Variants in TRIO observed in about 807,000 individuals in gnomAD.
The protein encoded by TRIO is trio Rho guanine nucleotide exchange factor.
Under a neutral mutation model 351.9 loss-of-function variants are expected in TRIO, and 58 were observed. The observed-to-expected ratio is 0.16, with a 90% CI of 0.13 to 0.21. TRIO has a LOEUF of 0.21. TRIO is among the 10% of genes least tolerant of loss of function. The pLI is 1.00. For synonymous variants in TRIO, 1,758 were observed against 1,595.7 expected (o/e 1.10, Z -2.42); for missense variants, 3,201 against 4,027.8 (o/e 0.79, Z 5.56).
At chr5:14,237,428 G>A (rs1271155938) in intron 1 of TRIO, among the ~76,000 whole-genome samples, 2 of 152,222 alleles carry the variant, frequency 1.3e-5, no homozygotes, top group Non-Finnish European at 2.9e-5. Flanking sequence ...TGTTGTGAGT[G>A]TCGTGTGATG....
chr5:14,182,612 G>A (rs1789856101), intron 1 of TRIO, among the ~76,000 whole-genome samples: 1 of 152,180 alleles, frequency 6.6e-6, no homozygotes, highest in Admixed American at 6.5e-5. Flanking sequence ...ACATGTAGGA[G>A]CTTGGTCTGT....
intron 36 of TRIO, 107 bp downstream of exon 36, chr5:14,463,032 A>G (rs1753951187): frequency 1.4e-6 from 2 of 1,381,620 alleles, no homozygotes; most frequent in Non-Finnish European, 1.9e-6. Context: ...AGGCCCCAAG[A>G]TGTGGAAAAG....
chr5:14,433,766 A>G (rs1365906984), intron 34 of TRIO, among the ~76,000 whole-genome samples: 1 of 152,228 alleles, frequency 6.6e-6, no homozygotes, highest in African/African-American at 2.4e-5. Context: ...CCTAATCATT[A>G]TATCATTCAA....
chr5:14,390,141 G>A, intron 25 of TRIO, 90 bp from the exon 26 acceptor site: 3 of 1,176,250 alleles, frequency 2.6e-6, no homozygotes, highest in Admixed American at 4.2e-5. Context: ...CATTCTTTAG[G>A]GGGCACAGAT....
At chr5:14,167,725 A>G (rs898745022) in intron 1 of TRIO, among the ~76,000 whole-genome samples, 1 of 152,122 alleles carries the variant, frequency 6.6e-6, no homozygotes, top group African/African-American at 2.4e-5. Context: ...AGGCTGGGCA[A>G]GGGCCTCTAA....
chr5:14,217,880 T>G (rs913353477), intron 1 of TRIO, among the ~76,000 whole-genome samples: 8 of 152,164 alleles, frequency 5.3e-5, no homozygotes, highest in African/African-American at 1.9e-4. Flanking sequence ...TCTCTGTCTT[T>G]TACACCGTAT....
At chr5:14,489,021 T>A in intron 48 of TRIO, 1 of 765,302 alleles carries the variant, frequency 1.3e-6, no homozygotes, top group Non-Finnish European at 2.4e-6. Context: ...ACCCACCTGT[T>A]TCCTACAGGG....
chr5:14,264,667 C>G (rs1795555894), intron 1 of TRIO, among the ~76,000 whole-genome samples: 1 of 152,124 alleles, frequency 6.6e-6, no homozygotes, highest in African/African-American at 2.4e-5. Context: ...TGCCTCCTTC[C>G]TATGCATCAC....
At chr5:14,169,303 C>G (rs1183095365) in intron 1 of TRIO, among the ~76,000 whole-genome samples, 1 of 151,132 alleles carries the variant, frequency 6.6e-6, no homozygotes, top group Non-Finnish European at 1.5e-5. Flanking sequence ...TACCAAGAGT[C>G]GTATTTTTAA....
chr5:14,289,651 C>T (rs1736741875), intron 4 of TRIO, among the ~76,000 whole-genome samples: 1 of 151,846 alleles, frequency 6.6e-6, no homozygotes, highest in South Asian at 2.1e-4. Flanking sequence ...AATTTGAAAC[C>T]AGCGTGACCA....
chr5:14,504,895 C>G (rs1041024949), intron 55 of TRIO, among the ~76,000 whole-genome samples: 5 of 146,158 alleles, frequency 3.4e-5, no homozygotes, highest in African/African-American at 1.3e-4. Flanking sequence ...TCCCATGAGG[C>G]CAGGCTGTCT....
intron 11 of TRIO, among the ~76,000 whole-genome samples, chr5:14,343,106 AGAG>A (rs1263570973): frequency 2.7e-5 from 4 of 147,488 alleles, no homozygotes; most frequent in Middle Eastern, 3.5e-3. Flanking sequence ...AAAAAAAAAA[AGAG>A]AGAGAAATGG....
chr5:14,330,667 CT>C, intron 9 of TRIO, 110 bp from the exon 10 acceptor site: 2 of 1,340,838 alleles, frequency 1.5e-6, no homozygotes, highest in Non-Finnish European at 2.0e-6. Context: ...TCGTTTGCTT[CT>C]TGTTTCTTAC....
intron 34 of TRIO, among the ~76,000 whole-genome samples, chr5:14,442,339 A>G (rs1561495410): frequency 6.6e-6 from 1 of 152,098 alleles, no homozygotes. Context: ...TAAGAGCTCT[A>G]TGGAGAAGGG....
rs1787311915 is a variant in TRIO, at chr5:14,143,689, G to T, written c.-37G>T. On this transcript the variant is annotated 5_prime_UTR_variant, in exon 1 of 57. Transcript: ENST00000344204. ...CGGCACGCGGCGCTAGGGGCGCGGGGCCCGAGGCGGGCGCGGCCGCGGGCG... is the reference window on the plus strand; with the variant it reads ...CGGCACGCGGCGCTAGGGGCGCGGGTCCCGAGGCGGGCGCGGCCGCGGGCG... 2.1e-6 allele frequency: 2 copies of T among 967,156 alleles called. No homozygotes were observed. Among genetic ancestry groups the T allele is most frequent in the Non-Finnish European group, 1.2e-6 (1 of 817,180 alleles). 59.9% of individuals were successfully genotyped at this position (967,156 alleles called of 1,614,324 possible).
chr5:14,373,963 G>T (rs374398854), intron 18 of TRIO, among the ~76,000 whole-genome samples: 1 of 152,164 alleles, frequency 6.6e-6, no homozygotes, highest in Admixed American at 6.5e-5. Flanking sequence ...CTCCGTGACC[G>T]TAAGCCAGGG....
intron 48 of TRIO, among the ~76,000 whole-genome samples, chr5:14,490,121 T>C (rs1478085803): frequency 6.6e-6 from 1 of 151,860 alleles, no homozygotes. Flanking sequence ...TAAAATTAGC[T>C]GAGCATTTAA....
chr5:14,206,030 G>A (rs1283341569), intron 1 of TRIO, among the ~76,000 whole-genome samples: 2 of 151,874 alleles, frequency 1.3e-5, no homozygotes, highest in African/African-American at 4.8e-5. Flanking sequence ...CACTGTGCCC[G>A]GCCAAATATT....
intron 9 of TRIO, among the ~76,000 whole-genome samples, chr5:14,327,204 G>T (rs55750919): frequency 0.029 from 4,420 of 152,200 alleles, 232 homozygotes; most frequent in African/African-American, 0.1. Context: ...TGCTGTTGTA[G>T]CCCAGGCTGG....
Sources: allele counts gnomAD v4.1 joint callset (sites outside exome capture counted in the v4.1 genomes callset), GRCh38; gene constraint gnomAD v4.1.1; transcripts MANE v1.5; gene names NCBI Gene and HGNC (gene_info 2026-07-23, HGNC 2026-07-21).